EPHA7: variants seen among roughly 807,000 people sequenced by gnomAD.
EPHA7 encodes the protein EPH receptor A7.
A neutral mutation model predicts 112.6 loss-of-function variants in EPHA7; 25 were observed. The observed-to-expected ratio is 0.22, with a 90% CI of 0.16 to 0.31. The LOEUF is 0.31. EPHA7 is among the 10% of genes least tolerant of loss of function. The probability of loss-of-function intolerance (pLI) is 1.00; values close to 1 mark genes in which losing one functional copy is unlikely to be tolerated. For missense variants in EPHA7, 962 were observed against 1,212.6 expected (o/e 0.79, Z 3.07); for synonymous variants, 437 against 406.5 (o/e 1.07, Z -0.90).
intron 3 of EPHA7, among the ~76,000 whole-genome samples, chr6:93,382,361 G>A (rs184045688): frequency 8.5e-5 from 13 of 152,178 alleles, no homozygotes; most frequent in Non-Finnish European, 1.3e-4. Context: ...AGTAAGGTTC[G>A]TACTCCTATG....
intron 3 of EPHA7, among the ~76,000 whole-genome samples, chr6:93,360,167 T>C (rs867705260): frequency 1.3e-5 from 2 of 152,162 alleles, no homozygotes; most frequent in African/African-American, 4.8e-5. Flanking sequence ...AACAAAAATA[T>C]ACAACCTTAA....
intron 3 of EPHA7, among the ~76,000 whole-genome samples, chr6:93,408,514 A>G (rs1778823680): frequency 6.6e-6 from 1 of 152,090 alleles, no homozygotes; most frequent in African/African-American, 2.4e-5. Flanking sequence ...AATTAGAAAT[A>G]CTGCCAGTGA....
chr6:93,382,991 A>T (rs537317978), intron 3 of EPHA7, among the ~76,000 whole-genome samples: 73 of 152,248 alleles, frequency 4.8e-4, no homozygotes, highest in African/African-American at 1.6e-3. Context: ...CACTGAACCC[A>T]ATCAACAAGT....
intron 5 of EPHA7, among the ~76,000 whole-genome samples, chr6:93,279,066 A>G (rs965382751): frequency 2.6e-5 from 4 of 152,082 alleles, no homozygotes; most frequent in African/African-American, 9.7e-5. Flanking sequence ...GATTTTTTAA[A>G]TGGAAAATGT....
intron 5 of EPHA7, among the ~76,000 whole-genome samples, chr6:93,304,636 TAGG>T (rs1434108841): frequency 3.9e-5 from 6 of 152,140 alleles, no homozygotes; most frequent in African/African-American, 1.2e-4. Flanking sequence ...CATTGTTTTA[TAGG>T]AGGAGAATTC....
intron 3 of EPHA7, among the ~76,000 whole-genome samples, chr6:93,394,191 C>T (rs555641863): frequency 4.0e-5 from 6 of 151,862 alleles, no homozygotes; most frequent in Middle Eastern, 3.4e-3. Flanking sequence ...TCTTTGTTAT[C>T]GTACTACTTC....
Position 93,258,245 on chromosome 6 carries a change from G to A in EPHA7, c.1964C>T (p.Pro655Leu). The change falls in exon 11 of 17, where the codon CCA becomes CTA. Residue 655 changes from proline to leucine, a missense_variant. Physicochemically the swap from Pro to Leu is moderately conservative, Grantham distance 98. Around this residue, in one of 3 missense-constraint regions of EPHA7, gnomAD observed 746 missense variants for 889.2 expected, o/e 0.84. Coordinates refer to ENST00000369303, the MANE Select transcript of EPHA7 (RefSeq NM_004440.4). ...GGCTACTGCAACATCTCTTTTCCCT[G>A]GAAGTTTCAAACGGCCACTGCAGAC... is the stretch of plus-strand genomic sequence containing the variant. ...GEVCSGRLKLPGKRDVAVAIK... is the reference protein window; with the variant it reads ...GEVCSGRLKLLGKRDVAVAIK... 1 of 1,610,450 alleles carries A rather than the reference G, an allele frequency of 6.2e-7. No individual in the cohort carries two copies. The highest frequency in any genetic ancestry group is 8.5e-7 in the Non-Finnish European group (1 of 1,178,162).
chr6:93,264,001 A>G, intron 8 of EPHA7, 86 bp from the exon 9 acceptor site: 1 of 924,434 alleles, frequency 1.1e-6, no homozygotes, highest in Middle Eastern at 2.7e-4. Flanking sequence ...TTACTCAACA[A>G]CTTACTAGAG....
chr6:93,318,339 G>A (rs1359338307), intron 5 of EPHA7, among the ~76,000 whole-genome samples: 1 of 151,934 alleles, frequency 6.6e-6, no homozygotes, highest in Non-Finnish European at 1.5e-5. Flanking sequence ...TGGTGAGAAA[G>A]TGAAAGATAT....
intron 5 of EPHA7, among the ~76,000 whole-genome samples, chr6:93,310,945 T>C (rs1239019324): frequency 6.6e-6 from 1 of 151,798 alleles, no homozygotes; most frequent in Non-Finnish European, 1.5e-5. Flanking sequence ...TTGTGAAACA[T>C]GTCTCTCTGG....
chr6:93,269,542 T>C lies in EPHA7; in HGVS notation c.1568A>G (p.Tyr523Cys). The C allele has an allele frequency of 1.2e-6, 2 of 1,611,178 alleles. No homozygotes were observed. The highest frequency in any genetic ancestry group is 2.2e-5 in the South Asian group (2 of 90,980). The change falls in exon 7 of 17, where the codon TAT becomes TGT. Residue 523 changes from tyrosine (Y) to cysteine (C), a missense_variant. Coordinates refer to ENST00000369303, the MANE Select transcript of EPHA7 (RefSeq NM_004440.4). ...FQIRAFTAAG[Y>C]GNYSPRLDVA... ...ATCAAGTCTGGGACTGTAATTTCCA[T>C]AACCAGCAGCAGTAAAAGCCCGAAT...
rs113319073 is a variant in EPHA7, at chr6:93,323,030, CA to C, written c.1324+33686del. On this transcript the variant is annotated intron_variant, in intron 5 of 16. Coordinates refer to ENST00000369303, the MANE Select transcript of EPHA7 (RefSeq NM_004440.4). ...ATTAATATGGTATTCAAAGGGGAAA[CA>C]AAAAAAAGATGTGAAAACTTTTTGG... 6.0e-5 allele frequency among the ~76,000 whole-genome samples: 9 copies of C among 150,890 alleles called. No individual in the cohort carries two copies. In the South Asian group the frequency reaches 1.0e-3, roughly 17 times the overall value.
intron 16 of EPHA7, among the ~76,000 whole-genome samples, chr6:93,245,063 T>C (rs940295087): frequency 6.6e-6 from 1 of 152,222 alleles, no homozygotes; most frequent in African/African-American, 2.4e-5. Context: ...GGCAACAACA[T>C]AGGTATGAAA....
chr6:93,329,894 A>T (rs164559), intron 5 of EPHA7, among the ~76,000 whole-genome samples: 53,550 of 150,874 alleles, frequency 0.35, 9,906 homozygotes, highest in African/African-American at 0.46. Flanking sequence ...TTCTTGGAGC[A>T]GAAGATACTG....
chr6:93,413,160 A>G (rs1314636055), intron 2 of EPHA7, among the ~76,000 whole-genome samples: 8 of 151,998 alleles, frequency 5.3e-5, no homozygotes, highest in African/African-American at 1.7e-4. Context: ...CTCAAAACTT[A>G]TATCTCAAGA....
intron 3 of EPHA7, among the ~76,000 whole-genome samples, chr6:93,408,305 A>T (rs1267129893): frequency 6.6e-6 from 1 of 152,072 alleles, no homozygotes; most frequent in Non-Finnish European, 1.5e-5. Context: ...TTTTTGTAAC[A>T]GTTACTGCTG....
intron 5 of EPHA7, among the ~76,000 whole-genome samples, chr6:93,342,874 A>T (rs9345351): frequency 6.6e-6 from 1 of 151,558 alleles, no homozygotes; most frequent in Non-Finnish European, 1.5e-5. Flanking sequence ...CTAACTAATG[A>T]ACACGTCTTT....
At position 93,419,350 on chromosome 6, in the gene EPHA7, A is replaced by G. The variant is rs1405516696; in HGVS notation, c.-9T>C. 7.5e-6 allele frequency: 12 copies of G among 1,605,710 alleles called. No individual in the cohort carries two copies. Among genetic ancestry groups the G allele is most frequent in the Non-Finnish European group, 1.0e-5 (12 of 1,173,398 alleles). On this transcript the variant is annotated 5_prime_UTR_variant, in exon 1 of 17. Coordinates refer to ENST00000369303, the MANE Select transcript of EPHA7 (RefSeq NM_004440.4). ...CGAGTTTGAAAAACCATGGTGCATG[A>G]GCAGGTTTTATTTTAGGTTTCAGTT...
intron 5 of EPHA7, among the ~76,000 whole-genome samples, chr6:93,282,617 C>T (rs962646935): frequency 4.6e-5 from 7 of 152,226 alleles, no homozygotes; most frequent in African/African-American, 1.2e-4. Context: ...AGGCTGGAGC[C>T]GGCTCCTTCA....
Sources: gnomAD v4.1 joint callset for allele counts (sites outside exome capture counted in the v4.1 genomes callset) on GRCh38, gnomAD v4.1.1 for gene constraint, gnomAD v4.1.1 regional missense constraint, MANE v1.5 for transcripts, NCBI Gene and HGNC (gene_info 2026-07-23, HGNC 2026-07-21) for gene names.